Variants in CAMSAP1 observed in about 807,000 individuals in gnomAD.
CAMSAP1 encodes the protein calmodulin regulated spectrin associated protein 1, also known as calmodulin-regulated spectrin-associated protein 1.
A neutral mutation model predicts 143.5 loss-of-function variants in CAMSAP1; 58 were observed. That is an observed-to-expected ratio of 0.40 (90% CI 0.33 to 0.50). The LOEUF (loss-of-function observed/expected upper bound fraction) is 0.50, where lower values mean the gene tolerates loss of function less well. Ranked by LOEUF, CAMSAP1 falls within the 20% of genes least tolerant of loss-of-function variation. The pLI, the probability that CAMSAP1 is intolerant of heterozygous loss-of-function variation, is 0.45. For missense variants in CAMSAP1, 1,969 were observed against 2,115.7 expected (o/e 0.93, Z 1.36); for synonymous variants, 945 against 859.3 (o/e 1.10, Z -1.74).
chr9:135,835,574 C>T (rs1339756529), intron 7 of CAMSAP1, among the ~76,000 whole-genome samples: 1 of 152,194 alleles, frequency 6.6e-6, no homozygotes, highest in Non-Finnish European at 1.5e-5. Context: ...GTGAGCTTAT[C>T]CCATGAGAAG....
At position 135,821,887 on chromosome 9, in the gene CAMSAP1, T is replaced by G. The variant is rs761328258; in HGVS notation, c.2774A>C (p.Glu925Ala). The G allele has an allele frequency of 6.2e-7, 1 of 1,613,988 alleles. No homozygotes were observed. Among genetic ancestry groups the G allele is most frequent in the Non-Finnish European group, 8.5e-7 (1 of 1,179,902 alleles). ...FLHVVKKGKA[E>A]AAPPLRPEHF... is the part of the protein sequence containing the mutation. Reference sequence around the variant, plus strand: ...CTCCGGCCTGAGGGGTGGGGCAGCCTCGGCCTTGCCCTTCTTCACCACATG... The same window carrying G: ...CTCCGGCCTGAGGGGTGGGGCAGCCGCGGCCTTGCCCTTCTTCACCACATG... Residue 925 changes from glutamate to alanine, a missense_variant, in exon 11 of 17, where the codon GAG (glutamate) becomes GCG (alanine). Around this residue, in one of 4 missense-constraint regions of CAMSAP1, gnomAD observed 1,390 missense variants for 1,420.8 expected, o/e 0.98. Coordinates refer to ENST00000389532, the MANE Select transcript of CAMSAP1 (RefSeq NM_015447.4). This position sits in a 1 kb window ranked among gnomAD's most constrained non-coding sequence, Gnocchi z 4.6.
intron 3 of CAMSAP1, 130 bp from the exon 4 acceptor site, chr9:135,866,666 C>T (rs1345787919): frequency 3.3e-6 from 2 of 601,826 alleles, no homozygotes; most frequent in East Asian, 5.6e-5. Flanking sequence ...ATTGTTTAGG[C>T]CAATTACACA....
At position 135,882,842 on chromosome 9, in the gene CAMSAP1, C is replaced by G; in HGVS notation, c.397G>C (p.Asp133His). ...ATTTTTATGGGTGCGCGACTGAGGT[C>G]GGACTCTGTCACGGGGGTGTCATCA... ...ESDDTPVTES[D>H]LSRAPIKMSA... Residue 133 changes from aspartate to histidine, a missense_variant, in exon 2 of 17, where the codon GAC becomes CAC. By Grantham distance (81) the Asp-to-His change is moderately conservative. This residue lies in a region of CAMSAP1 where 215 missense variants were observed against 196.2 expected (regional missense o/e 1.10). Transcript: ENST00000389532. The surrounding 1 kb of genome is among the most constrained non-coding windows in gnomAD (Gnocchi z 4.9). 1 of 1,551,226 alleles carries G rather than the reference C, an allele frequency of 6.4e-7. No individual in the cohort carries two copies. The highest frequency in any genetic ancestry group is 8.7e-7 in the Non-Finnish European group (1 of 1,146,962).
Position 135,882,962 on chromosome 9 carries a change from T to C in CAMSAP1, c.277A>G (p.Ser93Gly). The C allele has an allele frequency of 5.8e-6, 9 of 1,551,770 alleles. No homozygotes were observed. Among genetic ancestry groups the C allele is most frequent in the Non-Finnish European group, 7.0e-6 (8 of 1,147,004 alleles). Reference sequence around the variant, plus strand: ...ACCTGGTCCCCTTTCAGGATGAGGCTGCAGACACGGCAGTACAGCTCGCTG... The same window carrying C: ...ACCTGGTCCCCTTTCAGGATGAGGCCGCAGACACGGCAGTACAGCTCGCTG... ...LSSELYCRVCSLILKGDQVAA... is the reference protein window; with the variant it reads ...LSSELYCRVCGLILKGDQVAA... The change falls in exon 2 of 17, where the codon AGC becomes GGC. Residue 93 changes from serine (S) to glycine (G), a missense_variant. Ser to Gly is a moderately conservative substitution (Grantham distance 56). Around this residue, in one of 4 missense-constraint regions of CAMSAP1, gnomAD observed 215 missense variants for 196.2 expected, o/e 1.10. Coordinates refer to ENST00000389532, the MANE Select transcript of CAMSAP1 (RefSeq NM_015447.4). The surrounding 1 kb of genome is among the most constrained non-coding windows in gnomAD (Gnocchi z 4.9).
chr9:135,903,849 T>TG (rs1199474049), intron 1 of CAMSAP1, among the ~76,000 whole-genome samples: 16 of 152,122 alleles, frequency 1.1e-4, no homozygotes, highest in African/African-American at 3.9e-4. Flanking sequence ...CAAATGCTGC[T>TG]GGATTAGAAG....
At chr9:135,819,672 TAAAAAA>T (rs55894826) in intron 11 of CAMSAP1, among the ~76,000 whole-genome samples, 172 of 104,628 alleles carry the variant, frequency 1.6e-3, no homozygotes, top group South Asian at 7.9e-3. Flanking sequence ...TGTCTCCACT[TAAAAAA>T]AAAAAAAAAA....
At chr9:135,844,764 T>C (rs1367662233) in intron 7 of CAMSAP1, among the ~76,000 whole-genome samples, 3 of 151,814 alleles carry the variant, frequency 2.0e-5, no homozygotes, top group Non-Finnish European at 2.9e-5. Flanking sequence ...AACTAGAAAA[T>C]CTAGAAGAAA....
At chr9:135,901,939 A>C (rs73561643) in intron 1 of CAMSAP1, among the ~76,000 whole-genome samples, 2,762 of 152,330 alleles carry the variant, frequency 0.018, 91 homozygotes, top group African/African-American at 0.064. Context: ...TCTCCTCTGC[A>C]CAGGGCTGTA....
At chr9:135,828,993 C>T (rs966221573) in intron 7 of CAMSAP1, among the ~76,000 whole-genome samples, 1 of 152,172 alleles carries the variant, frequency 6.6e-6, no homozygotes, top group African/African-American at 2.4e-5. Context: ...TAAAAACATT[C>T]CCGGACAAAC....
chr9:135,861,814 TAA>T (rs1837202463), intron 5 of CAMSAP1, among the ~76,000 whole-genome samples: 1 of 152,162 alleles, frequency 6.6e-6, no homozygotes, highest in African/African-American at 2.4e-5. Flanking sequence ...TAGCAAAACC[TAA>T]ATCAGAATTC....
Position 135,816,019 on chromosome 9 carries a change from C to A in CAMSAP1, c.4272-14G>T. The A allele has an allele frequency of 6.2e-7, 1 of 1,611,838 alleles. No individual in the cohort carries two copies. Among genetic ancestry groups the A allele is most frequent in the Non-Finnish European group, 8.5e-7 (1 of 1,178,868 alleles). On this transcript the variant is annotated splice_polypyrimidine_tract_variant and intron_variant, in intron 14 of 16. Transcript: ENST00000389532. The stretch of plus-strand genomic sequence containing the variant: ...ATCGATTCCACTCTGCAGGCAGAAA[C>A]AGACAAGAGACAGGCAGGTGAAGCG...
chr9:135,810,432 A>G lies in CAMSAP1; in HGVS notation c.*877T>C, dbSNP rs1564410514. On this transcript the variant is annotated 3_prime_UTR_variant, in exon 17 of 17. Transcript: ENST00000389532. ...CTCAGAATGAAAAATATTCTACTTT[A>G]CCAAAATCTGTCTTTATTAAAGTGA... The G allele has an allele frequency of 6.6e-6, 1 of 152,396 alleles. No homozygotes were observed. Among genetic ancestry groups the G allele is most frequent in the Admixed American group, 6.5e-5 (1 of 15,288 alleles). The allele number at this position is 152,396 out of a possible 1,614,324, so 9.4% of individuals were successfully genotyped here.
intron 7 of CAMSAP1, among the ~76,000 whole-genome samples, chr9:135,834,173 G>A (rs1835940943): frequency 1.3e-5 from 2 of 152,164 alleles, no homozygotes; most frequent in South Asian, 2.1e-4. Context: ...GGAGAATGTG[G>A]AGAAAAGGTG....
chr9:135,834,784 A>T (rs1381754040), intron 7 of CAMSAP1, among the ~76,000 whole-genome samples: 2 of 152,214 alleles, frequency 1.3e-5, no homozygotes, highest in Non-Finnish European at 1.5e-5. Flanking sequence ...ATACAAAGGT[A>T]GCGATGTGAA....
chr9:135,812,236 A>G (rs905537293), intron 16 of CAMSAP1, among the ~76,000 whole-genome samples: 7 of 152,330 alleles, frequency 4.6e-5, no homozygotes, highest in Non-Finnish European at 1.0e-4. Context: ...TTCCCTATCA[A>G]TAAAAAATGT....
chr9:135,897,081 G>C (rs1039072276), intron 1 of CAMSAP1, among the ~76,000 whole-genome samples: 4 of 151,942 alleles, frequency 2.6e-5, no homozygotes, highest in Non-Finnish European at 5.9e-5. Context: ...TATCCCCAAG[G>C]GATAAGCTCC....
intron 1 of CAMSAP1, among the ~76,000 whole-genome samples, chr9:135,888,462 C>T (rs1564459557): frequency 6.6e-6 from 1 of 152,168 alleles, no homozygotes; most frequent in Non-Finnish European, 1.5e-5. Flanking sequence ...GCCAGCTACT[C>T]CCGTAGCCTC....
At chr9:135,837,074 A>G (rs1040408344) in intron 7 of CAMSAP1, 1 of 568,386 alleles carries the variant, frequency 1.8e-6, no homozygotes, top group Non-Finnish European at 2.2e-6. Context: ...CTACAGACAC[A>G]CATCATCACG....
chr9:135,855,834 C>T (rs902420949), intron 5 of CAMSAP1, among the ~76,000 whole-genome samples: 8 of 151,472 alleles, frequency 5.3e-5, no homozygotes, highest in Admixed American at 2.6e-4. Context: ...GGGCGGATCA[C>T]AAGGTCAGGA....
Sources: gnomAD v4.1 joint callset for allele counts (sites outside exome capture counted in the v4.1 genomes callset) on GRCh38, gnomAD v4.1.1 for gene constraint, gnomAD v4.1.1 regional missense constraint, Gnocchi (gnomAD v3.1) non-coding constraint, MANE v1.5 for transcripts, NCBI Gene and HGNC (gene_info 2026-07-23, HGNC 2026-07-21) for gene names.